Variants in RTL4 observed in about 807,000 individuals in gnomAD.
RTL4 encodes retrotransposon Gag like 4, also known as retrotransposon Gag-like protein 4.
In RTL4, 4 loss-of-function variants were observed where a neutral mutation model predicts 5.3. The ratio of observed to expected loss-of-function variants is 0.75; its 90% CI spans 0.37 to 1.72. The LOEUF (loss-of-function observed/expected upper bound fraction) is 1.72, where lower values mean the gene tolerates loss of function less well. Ranked by LOEUF, RTL4 falls within the 40% of genes most tolerant of loss-of-function variation. The probability of loss-of-function intolerance (pLI) is 0.04; values close to 1 mark genes in which losing one functional copy is unlikely to be tolerated. For missense variants in RTL4, 260 were observed against 227.1 expected, an observed-to-expected ratio of 1.14 and a Z score of -0.93; for synonymous variants, 98 against 87.3, an observed-to-expected ratio of 1.12 and a Z score of -0.68.
the RTL4 span, among the ~76,000 whole-genome samples, chrX:112,167,286 G>A: frequency 9.0e-6 from 1 of 111,703 alleles, no homozygotes; most frequent in Non-Finnish European, 1.9e-5. Flanking sequence ...ATCTGGGAAA[G>A]GAAAAATAGA....
At chrX:112,112,179 TG>T in the RTL4 span, among the ~76,000 whole-genome samples, 1 of 112,229 alleles carries the variant, frequency 8.9e-6, no homozygotes, top group African/African-American at 3.2e-5. Flanking sequence ...CCACTGGTTG[TG>T]GGGTTGTCCC....
At chrX:112,137,030 T>G in the RTL4 span, among the ~76,000 whole-genome samples, 1 of 111,335 alleles carries the variant, frequency 9.0e-6, no homozygotes, top group African/African-American at 3.3e-5. Flanking sequence ...CAAACTAAAA[T>G]GCTCTGCACA....
chrX:112,193,162 CAT>C, the RTL4 span, among the ~76,000 whole-genome samples: 4 of 111,134 alleles, frequency 3.6e-5, no homozygotes, highest in African/African-American at 1.3e-4. Flanking sequence ...TTATGGATAA[CAT>C]AATTGTAGTG....
the RTL4 span, among the ~76,000 whole-genome samples, chrX:112,385,159 T>C: frequency 9.0e-6 from 1 of 111,599 alleles, no homozygotes; most frequent in East Asian, 2.8e-4. Context: ...TGTCTTCTCT[T>C]TTCACTCTCT....
the RTL4 span, among the ~76,000 whole-genome samples, chrX:112,366,911 G>T: frequency 9.0e-6 from 1 of 111,663 alleles, no homozygotes; most frequent in East Asian, 2.9e-4. Context: ...AATCCTGGGA[G>T]GTACATTCTG....
chrX:112,291,687 C>T, the RTL4 span, among the ~76,000 whole-genome samples: 1 of 110,363 alleles, frequency 9.1e-6, no homozygotes, highest in Non-Finnish European at 1.9e-5. Flanking sequence ...AGCTCTGCCT[C>T]CCCGGTTCAC....
chrX:112,193,758 G>A, the RTL4 span, among the ~76,000 whole-genome samples: 9 of 110,118 alleles, frequency 8.2e-5, no homozygotes, highest in African/African-American at 2.3e-4. Context: ...TCTGTTCCTC[G>A]GATTGGATAA....
the RTL4 span, among the ~76,000 whole-genome samples, chrX:112,295,529 A>C: frequency 8.9e-6 from 1 of 112,581 alleles, no homozygotes; most frequent in African/African-American, 3.2e-5. Context: ...GCCAGCACAA[A>C]TCAGGAGCCA....
the RTL4 span, among the ~76,000 whole-genome samples, chrX:112,330,118 C>G: frequency 3.1e-5 from 3 of 98,108 alleles, no homozygotes; most frequent in Non-Finnish European, 2.0e-5. Context: ...GATGCCCTCT[C>G]TCACCACTCC....
the RTL4 span, among the ~76,000 whole-genome samples, chrX:112,157,955 G>C: frequency 0.086 from 9,519 of 111,157 alleles, 573 homozygotes; most frequent in African/African-American, 0.22. Context: ...TAGCCTGTTC[G>C]CTCTGGATCT....
chrX:112,182,376 A>G, the RTL4 span, among the ~76,000 whole-genome samples: 1 of 112,029 alleles, frequency 8.9e-6, no homozygotes, highest in Non-Finnish European at 1.9e-5. Context: ...GTGTGTAATA[A>G]CAAACTCCTC....
chrX:112,374,858 G>C, the RTL4 span, among the ~76,000 whole-genome samples: 1 of 111,394 alleles, frequency 9.0e-6, no homozygotes, highest in Non-Finnish European at 1.9e-5. Flanking sequence ...CGGCTGAAGA[G>C]AATTGCCTAG....
At chrX:112,383,663 T>TA in the RTL4 span, among the ~76,000 whole-genome samples, 1 of 111,829 alleles carries the variant, frequency 8.9e-6, no homozygotes, top group Non-Finnish European at 1.9e-5. Context: ...TACACAGCCA[T>TA]AAAAAAGAGT....
At chrX:112,318,589 T>TA in the RTL4 span, among the ~76,000 whole-genome samples, 2 of 112,221 alleles carry the variant, frequency 1.8e-5, no homozygotes, top group Non-Finnish European at 3.8e-5. Flanking sequence ...AGCAGTCATC[T>TA]AAAATAGCTT....
At chrX:112,208,959 G>A in the RTL4 span, among the ~76,000 whole-genome samples, 2 of 112,343 alleles carry the variant, frequency 1.8e-5, no homozygotes, top group Non-Finnish European at 3.8e-5. Flanking sequence ...AGTGGCCATA[G>A]CCAGGTCAGC....
chrX:112,169,026 C>CTTTTTCTTTCTT, the RTL4 span, among the ~76,000 whole-genome samples: 109 of 49,056 alleles, frequency 2.2e-3, 2 homozygotes, highest in African/African-American at 8.5e-3. Flanking sequence ...CTTTCTCTTT[C>CTTTTTCTTTCTT]TCTTTCTTTC....
At chrX:112,307,822 A>G in the RTL4 span, among the ~76,000 whole-genome samples, 1 of 111,746 alleles carries the variant, frequency 8.9e-6, no homozygotes, top group Admixed American at 9.6e-5. Flanking sequence ...TCTCAACAAG[A>G]ACGGCCTGAT....
chrX:112,270,337 A>C, the RTL4 span, among the ~76,000 whole-genome samples: 1 of 112,817 alleles, frequency 8.9e-6, no homozygotes, highest in Non-Finnish European at 1.9e-5. Context: ...AACTAGCTAA[A>C]GATATAGTCA....
chrX:112,288,292 C>A, the RTL4 span, among the ~76,000 whole-genome samples: 1 of 112,217 alleles, frequency 8.9e-6, no homozygotes, highest in Non-Finnish European at 1.9e-5. Flanking sequence ...GAGAAACATG[C>A]AAAACTTAGC....
Sources: gnomAD v4.1 joint callset for allele counts (sites outside exome capture counted in the v4.1 genomes callset) on GRCh38, gnomAD v4.1.1 for gene constraint, MANE v1.5 for transcripts, NCBI Gene and HGNC (gene_info 2026-07-23, HGNC 2026-07-21) for gene names.